The following PPM1E variants were observed in gnomAD, a reference collection of about 807,000 sequenced individuals.
PPM1E encodes the protein protein phosphatase, Mg2+/Mn2+ dependent 1E.
Under a neutral mutation model 65.9 loss-of-function variants are expected in PPM1E, and 20 were observed. The observed-to-expected ratio is 0.30, with a 90% CI of 0.21 to 0.44. PPM1E has a LOEUF of 0.44. PPM1E is among the 20% of genes least tolerant of loss of function. The pLI is 1.00. For synonymous variants in PPM1E, 352 were observed against 374.9 expected (o/e 0.94, Z 0.70); for missense variants, 713 against 953.1 (o/e 0.75, Z 3.32).
At chr17:58,781,396 C>T (rs2050048336) in intron 1 of PPM1E, among the ~76,000 whole-genome samples, 1 of 151,894 alleles carries the variant, frequency 6.6e-6, no homozygotes, top group African/African-American at 2.4e-5. Context: ...CCGCCTCAGC[C>T]TCCCAAAGTT....
At chr17:58,793,742 A>G (rs2050179190) in intron 1 of PPM1E, among the ~76,000 whole-genome samples, 1 of 152,186 alleles carries the variant, frequency 6.6e-6, no homozygotes, top group South Asian at 2.1e-4. Flanking sequence ...ATACAATATT[A>G]CTTGTTTATA....
chr17:58,805,206 C>T (rs1050447404), intron 1 of PPM1E, among the ~76,000 whole-genome samples: 5 of 151,988 alleles, frequency 3.3e-5, no homozygotes, highest in African/African-American at 4.8e-5. Context: ...GATTTTGGTG[C>T]ACCAGTCACC....
chr17:58,884,811 A>G (rs947656610), intron 1 of PPM1E, among the ~76,000 whole-genome samples: 2 of 152,182 alleles, frequency 1.3e-5, no homozygotes, highest in Non-Finnish European at 2.9e-5. Context: ...ATTAAAATTA[A>G]CTTATGTAAA....
intron 1 of PPM1E, among the ~76,000 whole-genome samples, chr17:58,771,997 C>G (rs1314943062): frequency 2.0e-5 from 3 of 152,130 alleles, no homozygotes; most frequent in Non-Finnish European, 2.9e-5. Context: ...GAGCACCTTA[C>G]ATACTGTTAT....
chr17:58,960,765 CAAAAAAA>C, intron 2 of PPM1E, among the ~76,000 whole-genome samples: 1 of 68,920 alleles, frequency 1.5e-5, no homozygotes, highest in Non-Finnish European at 3.2e-5. Context: ...GACTCTGTCT[CAAAAAAA>C]AAAAAAAAAG....
chr17:58,924,770 C>T (rs1396025667), intron 1 of PPM1E, among the ~76,000 whole-genome samples: 4 of 147,838 alleles, frequency 2.7e-5, no homozygotes, highest in African/African-American at 1.0e-4. Context: ...CTATTCCCCT[C>T]CCTGTGTCCA....
rs1598578985 is a variant in PPM1E, at chr17:58,800,082, T to A, written c.464+43621T>A. Reference sequence around the variant, plus strand: ...AGCAAAGAAAGTAAATCTTATTGAATCTTTCAATCCATGAACATTATAAAT... The same window carrying A: ...AGCAAAGAAAGTAAATCTTATTGAAACTTTCAATCCATGAACATTATAAAT... On this transcript the variant is annotated intron_variant, in intron 1 of 6. Transcript: ENST00000308249. Among the ~76,000 whole-genome samples, 5 of 152,316 alleles carry A rather than the reference T, an allele frequency of 3.3e-5. 1 individual carries two copies. The highest frequency in any genetic ancestry group is 1.5e-5 in the Non-Finnish European group (1 of 68,018).
At chr17:58,925,353 C>A (rs1301186491) in intron 1 of PPM1E, among the ~76,000 whole-genome samples, 3 of 151,812 alleles carry the variant, frequency 2.0e-5, no homozygotes, top group Non-Finnish European at 4.4e-5. Flanking sequence ...TTTTTCATAC[C>A]TTTTTTGGCC....
intron 1 of PPM1E, among the ~76,000 whole-genome samples, chr17:58,821,518 A>G (rs867801216): frequency 2.6e-5 from 4 of 152,276 alleles, no homozygotes; most frequent in Middle Eastern, 3.4e-3. Context: ...CCCTTTTCCA[A>G]TAGGCGCCAC....
chr17:58,811,804 G>A (rs1318597811), intron 1 of PPM1E, among the ~76,000 whole-genome samples: 10 of 152,006 alleles, frequency 6.6e-5, no homozygotes, highest in Non-Finnish European at 1.3e-4. Flanking sequence ...CCGAGTAGCT[G>A]GGACTATAGG....
At chr17:58,800,376 A>T (rs1265553757) in intron 1 of PPM1E, among the ~76,000 whole-genome samples, 1 of 151,826 alleles carries the variant, frequency 6.6e-6, no homozygotes, top group Non-Finnish European at 1.5e-5. Context: ...AGCCTATAAT[A>T]TTTTTCTTTC....
Position 58,792,743 on chromosome 17 carries a change from C to CTTTTTTTTTTTTTTTTTTTTT in PPM1E, c.464+36291_464+36311dup, listed in dbSNP as rs780992600. On this transcript the variant is annotated intron_variant, in intron 1 of 6. Transcript: ENST00000308249. Reference sequence around the variant, plus strand: ...TATTTTATTTTATAAGAATTTTACTCTTTTTTTTTTTTTTTTTTTTTTTTT... The same window carrying CTTTTTTTTTTTTTTTTTTTTT: ...TATTTTATTTTATAAGAATTTTACTCTTTTTTTTTTTTTTTTTTTTTTTTTTTTTTTTTTTTTTTTTTTTTT... Among the ~76,000 whole-genome samples, 3 of 76,382 alleles carry CTTTTTTTTTTTTTTTTTTTTT rather than the reference C, an allele frequency of 3.9e-5. 1 individual carries two copies. Among genetic ancestry groups the CTTTTTTTTTTTTTTTTTTTTT allele is most frequent in the African/African-American group, 1.3e-4 (2 of 15,632 alleles). The allele number at this position is 76,382 out of a possible 152,430, so 50.1% of individuals were successfully genotyped here. A position where few individuals can be genotyped will look rare whatever the true frequency, so the allele number is the denominator to read the frequency against.
intron 1 of PPM1E, among the ~76,000 whole-genome samples, chr17:58,942,984 C>T (rs1430536428): frequency 6.6e-6 from 1 of 151,920 alleles, no homozygotes; most frequent in Non-Finnish European, 1.5e-5. Context: ...GATTGTGCCA[C>T]TGCACTCCAG....
In PPM1E at chr17:58,821,631, G is replaced by T. The variant is rs534028260; in HGVS notation, c.464+65170G>T. On this transcript the variant is annotated intron_variant, in intron 1 of 6. Transcript: ENST00000308249. ...AGGAACTTGCCCGATATAATAGAAA[G>T]AATTCCTTTGATTGAGAAGCGGATA... is the stretch of plus-strand genomic sequence containing the variant. 1.9e-4 allele frequency among the ~76,000 whole-genome samples: 29 copies of T among 152,232 alleles called. No homozygotes were observed. The South Asian group carries it at 5.8e-3, about 30-fold the overall frequency.
chr17:58,903,174 T>A (rs1321070783), intron 1 of PPM1E, among the ~76,000 whole-genome samples: 1 of 152,196 alleles, frequency 6.6e-6, no homozygotes, highest in Admixed American at 6.6e-5. Flanking sequence ...TCAAGTCCGA[T>A]GACATTATTG....
intron 1 of PPM1E, among the ~76,000 whole-genome samples, chr17:58,844,542 G>C (rs1199210794): frequency 6.6e-6 from 1 of 152,146 alleles, no homozygotes; most frequent in Non-Finnish European, 1.5e-5. Flanking sequence ...AAGAAATAGT[G>C]ACTGTTTCCC....
chr17:58,893,502 A>G (rs972638059), intron 1 of PPM1E, among the ~76,000 whole-genome samples: 1 of 152,190 alleles, frequency 6.6e-6, no homozygotes, highest in Admixed American at 6.5e-5. Context: ...CATTGAAGCT[A>G]TTCTGTAGAA....
At chr17:58,905,691 TG>T (rs893348098) in intron 1 of PPM1E, among the ~76,000 whole-genome samples, 5 of 152,258 alleles carry the variant, frequency 3.3e-5, no homozygotes, top group African/African-American at 1.2e-4. Flanking sequence ...GTAACATCTT[TG>T]TTGGGCATTA....
At chr17:58,921,664 C>CA (rs1219765618) in intron 1 of PPM1E, among the ~76,000 whole-genome samples, 1,604 of 84,086 alleles carry the variant, frequency 0.019, 12 homozygotes, top group African/African-American at 0.024. Flanking sequence ...GACTCTATCT[C>CA]AAAAAAAAAA....
Sources: gnomAD v4.1 joint callset for allele counts (sites outside exome capture counted in the v4.1 genomes callset) on GRCh38, gnomAD v4.1.1 for gene constraint, MANE v1.5 for transcripts, NCBI Gene and HGNC (gene_info 2026-07-23, HGNC 2026-07-21) for gene names.